HELB: variants seen among roughly 807,000 people sequenced by gnomAD.
HELB encodes DNA helicase B.
Under a neutral mutation model 101.7 loss-of-function variants are expected in HELB, and 96 were observed. That is an observed-to-expected ratio of 0.94 (90% CI 0.80 to 1.12). The LOEUF (loss-of-function observed/expected upper bound fraction) is 1.12, where lower values mean the gene tolerates loss of function less well. HELB is among the 50% of genes most tolerant of loss of function. The pLI, the probability that HELB is intolerant of heterozygous loss-of-function variation, is 0.00. For missense variants in HELB, 1,210 were observed against 1,291.9 expected (o/e 0.94, Z 0.97); for synonymous variants, 437 against 459.7 (o/e 0.95, Z 0.63).
chr12:66,310,529 T>G lies in HELB; in HGVS notation c.1601T>G (p.Val534Gly). Residue 534 changes from valine to glycine, a missense_variant, in exon 4 of 13, where the codon GTT becomes GGT. Val to Gly is a moderately radical substitution (Grantham distance 109). This residue lies in a region of HELB where 740 missense variants were observed against 728.8 expected (regional missense o/e 1.02). Coordinates refer to ENST00000247815, the MANE Select transcript of HELB (RefSeq NM_001370285.1). ...SQLEADKAIE[V>G]LLTAPTGKAA... The stretch of plus-strand genomic sequence containing the variant: ...CTAGAGGCGGACAAGGCTATAGAAG[T>G]TTTGCTCACAGCACCTACAGGGAAA... 1 of 1,614,198 alleles carries G rather than the reference T, an allele frequency of 6.2e-7. No homozygotes were observed. The highest frequency in any genetic ancestry group is 1.1e-5 in the South Asian group (1 of 91,090).
intron 11 of HELB, among the ~76,000 whole-genome samples, chr12:66,326,400 G>C (rs1300232284): frequency 6.6e-6 from 1 of 151,862 alleles, no homozygotes; most frequent in Non-Finnish European, 1.5e-5. Context: ...ATGCCACCAC[G>C]CCTGGCTAAT....
chr12:66,332,512 T>A (rs1038527229), intron 12 of HELB, among the ~76,000 whole-genome samples: 3 of 152,210 alleles, frequency 2.0e-5, no homozygotes, highest in African/African-American at 7.2e-5. Context: ...CCTCCCTTTG[T>A]CCAGTGTGTC....
chr12:66,339,882 G>C (rs2053904385), downstream of HELB: 1 of 152,130 alleles, frequency 6.6e-6, no homozygotes. Flanking sequence ...CTTTGTTCCG[G>C]ACTTATTTGA....
rs747802068 is a variant in HELB at position 66,338,108 on chromosome 12, T to C, written c.*6T>C. Reference sequence around the variant, plus strand: ...CCGATAATCAAGAAACTTAGTTTTATTTCAAATTGTTCCGAGTAACTATGT... The same window carrying C: ...CCGATAATCAAGAAACTTAGTTTTACTTCAAATTGTTCCGAGTAACTATGT... On this transcript the variant is annotated 3_prime_UTR_variant, in exon 13 of 13. Coordinates refer to ENST00000247815, the MANE Select transcript of HELB (RefSeq NM_001370285.1). 53 of 1,408,140 alleles carry C rather than the reference T, an allele frequency of 3.8e-5. No homozygotes were observed. Among genetic ancestry groups the C allele is most frequent in the Non-Finnish European group, 4.7e-5 (47 of 994,186 alleles). The allele number at this position is 1,408,140 out of a possible 1,614,324, so 87.2% of individuals were successfully genotyped here. A position where few individuals can be genotyped will look rare whatever the true frequency, so the allele number is the denominator to read the frequency against.
chr12:66,337,369 A>G (rs1205149456), intron 12 of HELB, among the ~76,000 whole-genome samples: 1 of 152,178 alleles, frequency 6.6e-6, no homozygotes, highest in Non-Finnish European at 1.5e-5. Flanking sequence ...AGGTCCTGGA[A>G]TAAGGCTTTT....
At chr12:66,328,057 G>C (rs2137011856) in intron 11 of HELB, among the ~76,000 whole-genome samples, 1 of 152,216 alleles carries the variant, frequency 6.6e-6, no homozygotes, top group South Asian at 2.1e-4. Flanking sequence ...TTGAGAAGCA[G>C]GAATAGCAAG....
chr12:66,318,583 G>A (rs2053635626), intron 6 of HELB, 55 bp from the exon 7 acceptor site: 1 of 1,499,922 alleles, frequency 6.7e-7, no homozygotes, highest in Admixed American at 2.3e-5. Flanking sequence ...GATCATATAT[G>A]AAGACATTTT....
intron 12 of HELB, among the ~76,000 whole-genome samples, chr12:66,332,949 T>A: frequency 6.6e-6 from 1 of 152,110 alleles, no homozygotes; most frequent in Admixed American, 6.6e-5. Context: ...CTAAAATGAA[T>A]CAAACTTTTT....
At chr12:66,326,276 T>G (rs1470379216) in intron 11 of HELB, among the ~76,000 whole-genome samples, 8 of 152,052 alleles carry the variant, frequency 5.3e-5, no homozygotes, top group African/African-American at 1.9e-4. Flanking sequence ...ACAGTCTCGC[T>G]GTGTCGCCCA....
intron 11 of HELB, among the ~76,000 whole-genome samples, chr12:66,327,762 A>T (rs2053758460): frequency 6.6e-6 from 1 of 152,168 alleles, no homozygotes; most frequent in Non-Finnish European, 1.5e-5. Flanking sequence ...TTTGGTGGGA[A>T]AGGGGATAGA....
Position 66,306,450 on chromosome 12 carries a change from A to AAG in HELB, c.717_718dup (p.Met240ArgfsTer3). On this transcript the variant is annotated frameshift_variant, in exon 3 of 13. Transcript: ENST00000247815. LOFTEE classifies it high-confidence loss of function. ...AAATGGATCATAGGGTCAGGTTCTA[A>AAG]AGAGATGTTGAAAGAGATAGAAGAG... is the stretch of plus-strand genomic sequence containing the variant. 1 of 1,608,936 alleles carries AAG rather than the reference A, an allele frequency of 6.2e-7. No individual in the cohort carries two copies. Among genetic ancestry groups the AAG allele is most frequent in the South Asian group, 1.1e-5 (1 of 89,948 alleles).
intron 7 of HELB, among the ~76,000 whole-genome samples, chr12:66,320,487 A>G (rs2053657950): frequency 1.3e-5 from 2 of 152,232 alleles, no homozygotes; most frequent in South Asian, 4.1e-4. Flanking sequence ...TCCTATTTAC[A>G]GGTGAGGAAA....
In HELB at chr12:66,318,646, G is replaced by GA; in HGVS notation, c.2010dup (p.Arg671ThrfsTer7). ...TGTTATCTTTATTCAAGAATCTCAA[G>GA]ACGCCAATTTCCAAAATTTGATGCA... On this transcript the variant is annotated frameshift_variant, in exon 7 of 13. Coordinates refer to ENST00000247815, the MANE Select transcript of HELB (RefSeq NM_001370285.1). LOFTEE classifies it high-confidence loss of function. 2 of 1,592,796 alleles carry GA rather than the reference G, an allele frequency of 1.3e-6. No individual in the cohort carries two copies. Among genetic ancestry groups the GA allele is most frequent in the Non-Finnish European group, 1.7e-6 (2 of 1,174,942 alleles).
intron 3 of HELB, among the ~76,000 whole-genome samples, chr12:66,307,255 T>A (rs2053487684): frequency 6.6e-6 from 1 of 152,200 alleles, no homozygotes; most frequent in Non-Finnish European, 1.5e-5. Context: ...GTCTATGAAT[T>A]CAGTATGCTT....
At chr12:66,306,584 T>C (rs1823058859) in intron 3 of HELB, 70 bp downstream of exon 3, 2 of 1,233,302 alleles carry the variant, frequency 1.6e-6, no homozygotes, top group African/African-American at 3.1e-5. Context: ...GCAATTTTCC[T>C]TTCTCTTTCA....
At chr12:66,319,267 T>C (rs2137002321) in intron 7 of HELB, among the ~76,000 whole-genome samples, 1 of 152,334 alleles carries the variant, frequency 6.6e-6, no homozygotes, top group Non-Finnish European at 1.5e-5. Flanking sequence ...TTCTGTTTTA[T>C]AAAATGGGTA....
At chr12:66,338,957 A>G (rs2053896716), downstream of HELB, 1 of 152,218 alleles carries the variant, frequency 6.6e-6, no homozygotes, top group Middle Eastern at 3.2e-3. Context: ...AATATGTTCC[A>G]CTTAGGAAGG....
At chr12:66,319,250 C>G (rs1012969481) in intron 7 of HELB, among the ~76,000 whole-genome samples, 1 of 152,112 alleles carries the variant, frequency 6.6e-6, no homozygotes, top group African/African-American at 2.4e-5. Flanking sequence ...AGTTTAATTC[C>G]TAATAGTTCT....
chr12:66,333,788 A>G (rs1177555), intron 12 of HELB, among the ~76,000 whole-genome samples: 68,422 of 151,896 alleles, frequency 0.45, 15,913 homozygotes, highest in East Asian at 0.58. Context: ...GGCCACGGGA[A>G]TGAGTTGGGA....
Sources: allele counts gnomAD v4.1 joint callset (sites outside exome capture counted in the v4.1 genomes callset), GRCh38; gene constraint gnomAD v4.1.1; regional missense constraint gnomAD v4.1.1; transcripts MANE v1.5; gene names NCBI Gene and HGNC (gene_info 2026-07-23, HGNC 2026-07-21).